ADAM12: variants seen among roughly 807,000 people sequenced by gnomAD.
ADAM12 encodes the protein ADAM metallopeptidase domain 12, also known as disintegrin and metalloproteinase domain-containing protein 12.
ADAM12 carries 70 observed loss-of-function variants against 106.4 expected under a neutral mutation model. The observed-to-expected ratio is 0.66, with a 90% CI of 0.54 to 0.80. The LOEUF is 0.80. Among genes scored for constraint, ADAM12 ranks in the 30% least tolerant of loss-of-function variants. ADAM12 has a pLI of 0.00. For missense variants in ADAM12, 1,010 were observed against 1,171.9 expected (o/e 0.86, Z 2.02); for synonymous variants, 420 against 433.5 (o/e 0.97, Z 0.39).
chr10:126,358,176 CAA>C (rs34098142), intron 1 of ADAM12, among the ~76,000 whole-genome samples: 4 of 130,050 alleles, frequency 3.1e-5, no homozygotes, highest in Non-Finnish European at 3.3e-5. Context: ...GACTCCGTCT[CAA>C]AAAAAAAAAA....
intron 2 of ADAM12, among the ~76,000 whole-genome samples, chr10:126,287,445 A>G (rs1399814489): frequency 6.6e-6 from 1 of 152,158 alleles, no homozygotes. Context: ...ATCACCCCTG[A>G]TCCACGACAG....
intron 21 of ADAM12, among the ~76,000 whole-genome samples, chr10:126,029,394 A>T (rs539006995): frequency 2.6e-5 from 4 of 152,370 alleles, no homozygotes; most frequent in African/African-American, 9.6e-5. Flanking sequence ...TACACCATGG[A>T]ATACTATGCA....
intron 5 of ADAM12, among the ~76,000 whole-genome samples, chr10:126,121,131 C>A (rs58471719): frequency 0.47 from 37,896 of 80,854 alleles, 10,028 homozygotes; most frequent in Non-Finnish European, 0.52. Context: ...AGTATATATA[C>A]TATATACTAT....
chr10:126,024,462 G>GAAT (rs1953829982), intron 21 of ADAM12, among the ~76,000 whole-genome samples: 1 of 152,098 alleles, frequency 6.6e-6, no homozygotes, highest in Non-Finnish European at 1.5e-5. Flanking sequence ...AAACAGAAGA[G>GAAT]AATATATAGA....
chr10:126,059,021 A>C (rs1394544769), intron 14 of ADAM12, among the ~76,000 whole-genome samples: 1 of 152,250 alleles, frequency 6.6e-6, no homozygotes, highest in Non-Finnish European at 1.5e-5. Context: ...CATTATCAAA[A>C]GATAAAATTT....
chr10:126,372,139 AC>A (rs1856131799), intron 1 of ADAM12, among the ~76,000 whole-genome samples: 1 of 152,072 alleles, frequency 6.6e-6, no homozygotes, highest in African/African-American at 2.4e-5. Flanking sequence ...ATTCTCTGCC[AC>A]CCCCTCTGTC....
At position 126,107,178 on chromosome 10, in the gene ADAM12, C is replaced by T. The variant is rs3781035; in HGVS notation, c.741+1415G>A. On this transcript the variant is annotated intron_variant, in intron 8 of 22. Transcript: ENST00000448723. ...CACATACATGTCCACATCACACATA[C>T]TCCTTCTTCTGCTATGCTCACAGTG... Among the ~76,000 whole-genome samples, 1,299 of 152,286 alleles carry T rather than the reference C, an allele frequency of 8.5e-3. 21 individuals carry two copies. Among genetic ancestry groups the T allele is most frequent in the East Asian group, 0.067 (347 of 5,164 alleles).
intron 1 of ADAM12, among the ~76,000 whole-genome samples, chr10:126,377,249 G>A (rs1424905182): frequency 6.6e-6 from 1 of 152,144 alleles, no homozygotes; most frequent in Non-Finnish European, 1.5e-5. Flanking sequence ...TAGAGGGACA[G>A]AACTAATAGA....
In ADAM12 at chr10:126,017,287, T is replaced by C. The variant is rs41303603; in HGVS notation, c.2713A>G (p.Ile905Val). 48,080 of 1,594,612 alleles carry C rather than the reference T, an allele frequency of 0.03. 913 individuals are homozygous for C. The highest frequency in any genetic ancestry group is 0.035 in the Non-Finnish European group (40,975 of 1,169,794). The change falls in exon 23 of 23, where the codon ATT (isoleucine) becomes GTT (valine). Residue 905 changes from isoleucine to valine, a missense_variant. Physicochemically the swap from Ile to Val is conservative, Grantham distance 29. Transcript: ENST00000448723. The part of the protein sequence containing the change: ...QVPRSTHTAY[I>V]K ...AAAAAGGTGTCGGCTTCTCACTTAA[T>C]ATAGGCGGTGTGGGTGGATCTGGGC...
At chr10:126,259,112 T>A (rs1318252732) in intron 3 of ADAM12, among the ~76,000 whole-genome samples, 1 of 152,200 alleles carries the variant, frequency 6.6e-6, no homozygotes, top group Non-Finnish European at 1.5e-5. Flanking sequence ...ATTTTTGTAT[T>A]TAATTCCTAA....
intron 3 of ADAM12, among the ~76,000 whole-genome samples, chr10:126,267,240 T>C (rs935215430): frequency 2.0e-5 from 3 of 152,122 alleles, no homozygotes; most frequent in African/African-American, 7.2e-5. Flanking sequence ...GTCACCTCAA[T>C]CAGTGGTCCC....
intron 2 of ADAM12, among the ~76,000 whole-genome samples, chr10:126,307,123 A>G (rs1265709238): frequency 1.3e-5 from 2 of 152,176 alleles, no homozygotes; most frequent in Non-Finnish European, 2.9e-5. Context: ...TTCTGTTTCC[A>G]TTCCAATGAG....
chr10:126,277,878 C>T (rs998934504), intron 3 of ADAM12, among the ~76,000 whole-genome samples: 3 of 152,112 alleles, frequency 2.0e-5, no homozygotes, highest in African/African-American at 4.8e-5. Context: ...CATTAGATAC[C>T]GAACTTTCGG....
chr10:126,252,830 A>G (rs961925128), intron 3 of ADAM12, among the ~76,000 whole-genome samples: 1 of 152,138 alleles, frequency 6.6e-6, no homozygotes, highest in African/African-American at 2.4e-5. Context: ...TCACACAGCT[A>G]TGAAGTGGTA....
chr10:126,265,717 C>A (rs538557505), intron 3 of ADAM12, among the ~76,000 whole-genome samples: 2 of 152,230 alleles, frequency 1.3e-5, no homozygotes, highest in African/African-American at 4.8e-5. Context: ...GTGGAAAATT[C>A]TACTGAGTAT....
At position 126,064,030 on chromosome 10, in the gene ADAM12, C is replaced by G. The variant is rs891677223; in HGVS notation, c.1609+776G>C. 1.3e-5 allele frequency among the ~76,000 whole-genome samples: 2 copies of G among 152,194 alleles called. No homozygotes were observed. The highest frequency in any genetic ancestry group is 1.3e-4 in the Admixed American group (2 of 15,286). ...AGTAACCCAGGTTCAAATCCTAGCC[C>G]GGAGACCTGGGGAAACTGACATTTG... On this transcript the variant is annotated intron_variant, in intron 14 of 22. Transcript: ENST00000448723. This position sits in a 1 kb window ranked among gnomAD's most constrained non-coding sequence, Gnocchi z 4.4.
At chr10:126,365,086 A>G (rs3858322) in intron 1 of ADAM12, among the ~76,000 whole-genome samples, 11,794 of 152,236 alleles carry the variant, frequency 0.077, 567 homozygotes, top group East Asian at 0.18. Context: ...TGGGCAAGAT[A>G]CTACATTGTT....
At chr10:126,218,344 A>G (rs112717006) in intron 3 of ADAM12, among the ~76,000 whole-genome samples, 16 of 152,152 alleles carry the variant, frequency 1.1e-4, no homozygotes, top group African/African-American at 3.9e-4. Flanking sequence ...CTCCACATCA[A>G]CTCACCAAGG....
At chr10:126,266,625 A>AGTC (rs1481726003) in intron 3 of ADAM12, among the ~76,000 whole-genome samples, 3 of 152,188 alleles carry the variant, frequency 2.0e-5, no homozygotes, top group Non-Finnish European at 4.4e-5. Context: ...GAAATGCCTG[A>AGTC]GTCTGGGTAA....
Sources: gnomAD v4.1 joint callset for allele counts (sites outside exome capture counted in the v4.1 genomes callset) on GRCh38, gnomAD v4.1.1 for gene constraint, Gnocchi (gnomAD v3.1) non-coding constraint, MANE v1.5 for transcripts, NCBI Gene and HGNC (gene_info 2026-07-23, HGNC 2026-07-21) for gene names.